The following BTBD9 variants were observed in gnomAD, a reference collection of about 807,000 sequenced individuals.
BTBD9 encodes BTB/POZ domain-containing protein 9.
BTBD9 carries 49 observed loss-of-function variants against 64.3 expected under a neutral mutation model. That is an observed-to-expected ratio of 0.76 (90% CI 0.61 to 0.97). The LOEUF (loss-of-function observed/expected upper bound fraction) is 0.97, where lower values mean the gene tolerates loss of function less well. BTBD9 is among the 50% of genes least tolerant of loss of function. BTBD9 has a pLI of 0.00. For synonymous variants in BTBD9, 260 were observed against 274.7 expected (o/e 0.95, Z 0.53); for missense variants, 598 against 762.1 (o/e 0.78, Z 2.53).
At chr6:38,503,441 T>C (rs73426900) in intron 6 of BTBD9, among the ~76,000 whole-genome samples, 28 of 152,248 alleles carry the variant, frequency 1.8e-4, no homozygotes, top group African/African-American at 6.0e-4. Context: ...TCTCTCCTGA[T>C]TTCTTATCAC....
chr6:38,277,432 C>G lies in BTBD9; in HGVS notation c.1454+10840G>C, dbSNP rs540479040. ...CACTGCAACCTCTGCCTCCTGTGCT[C>G]AAGCGATTCTCTTGCCTTGGCCTCC... On this transcript the variant is annotated intron_variant, in intron 8 of 10. Transcript: ENST00000481247. 3.9e-5 allele frequency among the ~76,000 whole-genome samples: 6 copies of G among 152,036 alleles called. No individual in the cohort carries two copies. The South Asian group carries it at 1.0e-3, about 26-fold the overall frequency.
chr6:38,285,495 T>C (rs1344080389), intron 8 of BTBD9, among the ~76,000 whole-genome samples: 2 of 151,958 alleles, frequency 1.3e-5, no homozygotes, highest in African/African-American at 2.4e-5. Context: ...GAGATGCGCA[T>C]AGAACACTGT....
intron 6 of BTBD9, among the ~76,000 whole-genome samples, chr6:38,381,033 A>T (rs1440924412): frequency 6.6e-6 from 1 of 152,180 alleles, no homozygotes; most frequent in Non-Finnish European, 1.5e-5. Context: ...AAAAGCAACA[A>T]TACAAAAGTA....
At chr6:38,253,863 A>G (rs726160) in intron 9 of BTBD9, among the ~76,000 whole-genome samples, 105,356 of 151,376 alleles carry the variant, frequency 0.7, 37,150 homozygotes, top group East Asian at 0.94. Flanking sequence ...AAGAGGCAAT[A>G]TGGTATAGTG....
chr6:38,596,292 A>G (rs1471617483), intron 2 of BTBD9, among the ~76,000 whole-genome samples: 1 of 152,212 alleles, frequency 6.6e-6, no homozygotes, highest in Non-Finnish European at 1.5e-5. Context: ...AATATCTACA[A>G]AGACATCAAG....
In BTBD9 at chr6:38,546,124, G is replaced by C. The variant is rs143605387; in HGVS notation, c.1154+31476C>G. On this transcript the variant is annotated intron_variant, in intron 6 of 10. Transcript: ENST00000481247. ...TGGTACATGAGAAAAAGGGATGTAG[G>C]ATGACACAAAGGTTCTATCCGATGA... 5.6e-3 allele frequency among the ~76,000 whole-genome samples: 847 copies of C among 152,268 alleles called. 7 individuals are homozygous for C. The highest frequency in any genetic ancestry group is 9.2e-3 in the Non-Finnish European group (626 of 68,018).
intron 1 of BTBD9, among the ~76,000 whole-genome samples, chr6:38,631,298 G>A (rs762122169): frequency 6.6e-6 from 1 of 152,128 alleles, no homozygotes; most frequent in Non-Finnish European, 1.5e-5. Context: ...CTAAAACAGA[G>A]ACAATCAACA....
Position 38,351,504 on chromosome 6 carries a change from G to GTTTTTTTT in BTBD9, c.1155-6412_1155-6411insAAAAAAAA, listed in dbSNP as rs79539406. ...TACTAAAGACAAATATTTAATTGTT[G>GTTTTTTTT]TTGTTTTTTTTTTTTTTTTTTTTGA... On this transcript the variant is annotated intron_variant, in intron 6 of 10. Transcript: ENST00000481247. Among the ~76,000 whole-genome samples the GTTTTTTTT allele has an allele frequency of 5.0e-4, 48 of 96,672 alleles. 2 individuals are homozygous for GTTTTTTTT. The highest frequency in any genetic ancestry group is 7.7e-4 in the Admixed American group (6 of 7,812). 63.4% of individuals were successfully genotyped at this position (96,672 alleles called of 152,430 possible). A position where few individuals can be genotyped will look rare whatever the true frequency, so the allele number is the denominator to read the frequency against.
At chr6:38,240,978 T>C (rs1200392903) in intron 9 of BTBD9, among the ~76,000 whole-genome samples, 1 of 152,136 alleles carries the variant, frequency 6.6e-6, no homozygotes, top group Non-Finnish European at 1.5e-5. Context: ...TTAATGTAGA[T>C]TTGGGTTTTG....
intron 6 of BTBD9, among the ~76,000 whole-genome samples, chr6:38,575,130 A>G (rs1004509769): frequency 6.6e-6 from 1 of 152,242 alleles, no homozygotes; most frequent in East Asian, 1.9e-4. Flanking sequence ...ACCATTTACC[A>G]TTACAGAGAA....
chr6:38,214,618 C>T (rs758648112), intron 9 of BTBD9, among the ~76,000 whole-genome samples: 47 of 152,064 alleles, frequency 3.1e-4, no homozygotes, highest in African/African-American at 8.2e-4. Context: ...AGGGAGGTCG[C>T]GTGCTTTTTG....
intron 6 of BTBD9, among the ~76,000 whole-genome samples, chr6:38,491,885 C>T (rs1771717281): frequency 6.6e-6 from 1 of 152,008 alleles, no homozygotes; most frequent in African/African-American, 2.4e-5. Context: ...TGTTCACTTC[C>T]AATACTTAAT....
At chr6:38,387,222 C>G (rs940523074) in intron 6 of BTBD9, among the ~76,000 whole-genome samples, 2 of 152,186 alleles carry the variant, frequency 1.3e-5, no homozygotes, top group Non-Finnish European at 2.9e-5. Flanking sequence ...CAGGGAGAGA[C>G]TATAGTAAGT....
chr6:38,586,329 C>T (rs1241927793), intron 4 of BTBD9, among the ~76,000 whole-genome samples: 1 of 151,722 alleles, frequency 6.6e-6, no homozygotes, highest in African/African-American at 2.4e-5. Flanking sequence ...AAATGTTCAT[C>T]ATTATATATG....
chr6:38,527,806 C>CT lies in BTBD9; in HGVS notation c.1154+49793dup, dbSNP rs200439945. ...AAAGACTCTATCACCATGATTCCCA[C>CT]TTTTTTTTTAATCATGACAAATCAC... is the stretch of plus-strand genomic sequence containing the variant. On this transcript the variant is annotated intron_variant, in intron 6 of 10. Coordinates refer to ENST00000481247, the MANE Select transcript of BTBD9 (RefSeq NM_001099272.2). Among the ~76,000 whole-genome samples, 3 of 150,262 alleles carry CT rather than the reference C, an allele frequency of 2.0e-5. 1 individual carries two copies. The highest frequency in any genetic ancestry group is 2.1e-4 in the South Asian group (1 of 4,724).
In BTBD9 at chr6:38,224,808, C is replaced by T. The variant is rs1465486982; in HGVS notation, c.1562+31601G>A. Among the ~76,000 whole-genome samples the T allele has an allele frequency of 2.6e-5, 4 of 152,176 alleles. 1 individual carries two copies. The highest frequency in any genetic ancestry group is 4.1e-4 in the South Asian group (2 of 4,830). On this transcript the variant is annotated intron_variant, in intron 9 of 10. Transcript: ENST00000481247. ...TCACCCATTACAAACCAACGCTTAA[C>T]GTGGAGCTTGTTTCAGAATATGTGT...
In BTBD9 at chr6:38,374,297, G is replaced by GTGTATATATATATA. The variant is rs1582317340; in HGVS notation, c.1155-29205_1155-29204insTATATATATATACA. 1.8e-3 allele frequency among the ~76,000 whole-genome samples: 96 copies of GTGTATATATATATA among 53,680 alleles called. 1 individual carries two copies. Among genetic ancestry groups the GTGTATATATATATA allele is most frequent in the African/African-American group, 8.0e-3 (90 of 11,290 alleles). The allele number at this position is 53,680 out of a possible 152,430, so 35.2% of individuals were successfully genotyped here. On this transcript the variant is annotated intron_variant, in intron 6 of 10. Transcript: ENST00000481247. ...AAAAAAAAAAAGTATATATATATAT[G>GTGTATATATATATA]TATATATATGTATATATATATATAT...
intron 6 of BTBD9, among the ~76,000 whole-genome samples, chr6:38,465,990 C>T (rs1332350499): frequency 6.6e-6 from 1 of 150,538 alleles, no homozygotes; most frequent in Admixed American, 6.6e-5. Flanking sequence ...GTCATCATGC[C>T]CAGCTAAGAT....
chr6:38,262,453 A>T (rs13194038), intron 8 of BTBD9, among the ~76,000 whole-genome samples: 2 of 151,700 alleles, frequency 1.3e-5, no homozygotes, highest in African/African-American at 4.9e-5. Flanking sequence ...TTTCCCTAAA[A>T]GCAGTGAAGT....
Sources: allele counts gnomAD v4.1 joint callset (sites outside exome capture counted in the v4.1 genomes callset), GRCh38; gene constraint gnomAD v4.1.1; transcripts MANE v1.5; gene names NCBI Gene and HGNC (gene_info 2026-07-23, HGNC 2026-07-21).